The following RLIG1 variants were observed in gnomAD, a reference collection of about 807,000 sequenced individuals.
RLIG1 encodes RNA ligase 1.
the RLIG1 span, among the ~76,000 whole-genome samples, chr12:88,039,510 A>G: frequency 1.0e-3 from 158 of 152,270 alleles, 2 homozygotes; most frequent in Non-Finnish European, 1.7e-3. Flanking sequence ...TCCAGACTCA[A>G]TGTCTGCCTT....
chr12:88,042,841 G>A, the RLIG1 span: 3 of 1,512,714 alleles, frequency 2.0e-6, no homozygotes, highest in Non-Finnish European at 2.6e-6. Flanking sequence ...CATACCTTTG[G>A]GCTCGACTAG....
the RLIG1 span, chr12:88,035,960 A>T: frequency 6.6e-7 from 1 of 1,524,100 alleles, no homozygotes; most frequent in Non-Finnish European, 8.8e-7. Flanking sequence ...TTTGCGAAAG[A>T]ATTTTCCTTA....
chr12:88,036,837 CTTTT>C, the RLIG1 span, among the ~76,000 whole-genome samples: 1 of 147,590 alleles, frequency 6.8e-6, no homozygotes, highest in African/African-American at 2.5e-5. Context: ...CAGTAATTGG[CTTTT>C]TTTTTTAGCT....
chr12:88,049,276 C>G, the RLIG1 span: 28 of 1,609,840 alleles, frequency 1.7e-5, no homozygotes, highest in Non-Finnish European at 2.3e-5. Flanking sequence ...CCCAATTGTT[C>G]TGAAAGTTTT....
At chr12:88,045,810 T>A in the RLIG1 span, 2 of 1,534,426 alleles carry the variant, frequency 1.3e-6, no homozygotes, top group Non-Finnish European at 1.8e-6. Flanking sequence ...GTTCAGTTAT[T>A]GTAACTGACA....
At chr12:88,039,064 A>G in the RLIG1 span, among the ~76,000 whole-genome samples, 1 of 152,202 alleles carries the variant, frequency 6.6e-6, no homozygotes, top group African/African-American at 2.4e-5. Context: ...AGTATGCCAA[A>G]ACGTTCTTTG....
At chr12:88,044,825 C>T in the RLIG1 span, 1 of 152,196 alleles carries the variant, frequency 6.6e-6, no homozygotes, top group Non-Finnish European at 1.5e-5. Context: ...TTTTATGTAA[C>T]ACTTTATTGC....
the RLIG1 span, chr12:88,049,671 G>A: frequency 3.5e-6 from 1 of 285,626 alleles, no homozygotes; most frequent in East Asian, 8.4e-5. Context: ...TCTTATAATG[G>A]GACTTAATCT....
the RLIG1 span, chr12:88,042,923 T>G: frequency 6.5e-7 from 1 of 1,538,094 alleles, no homozygotes. Context: ...CCCAAAAGGT[T>G]AGTTTTTTTT....
the RLIG1 span, chr12:88,044,760 A>C: frequency 6.5e-6 from 1 of 152,830 alleles, no homozygotes; most frequent in Non-Finnish European, 1.5e-5. Flanking sequence ...GGAAGAGGGA[A>C]TATCAGCTTA....
At chr12:88,038,743 G>T in the RLIG1 span, among the ~76,000 whole-genome samples, 2 of 152,252 alleles carry the variant, frequency 1.3e-5, no homozygotes, top group African/African-American at 4.8e-5. Flanking sequence ...ATATAAAACT[G>T]AATCAAGGAT....
the RLIG1 span, among the ~76,000 whole-genome samples, chr12:88,047,662 T>C: frequency 1.3e-5 from 2 of 152,144 alleles, no homozygotes. Flanking sequence ...TTTAGCCCTG[T>C]CCTCTCCATT....
At chr12:88,048,236 C>A in the RLIG1 span, 1 of 1,546,606 alleles carries the variant, frequency 6.5e-7, no homozygotes, top group Non-Finnish European at 8.7e-7. Context: ...CTTTCCAGGT[C>A]CATCGCCATC....
chr12:88,038,982 A>T, the RLIG1 span, among the ~76,000 whole-genome samples: 1 of 152,178 alleles, frequency 6.6e-6, no homozygotes, highest in Admixed American at 6.5e-5. Context: ...TGGCTCTTAA[A>T]GAAACTTCTT....
At chr12:88,042,631 C>T in the RLIG1 span, 1 of 395,984 alleles carries the variant, frequency 2.5e-6, no homozygotes, top group Non-Finnish European at 4.6e-6. Context: ...TCATCCCCCT[C>T]ATTCTTTAAC....
At chr12:88,042,832 A>G in the RLIG1 span, 1 of 1,501,080 alleles carries the variant, frequency 6.7e-7, no homozygotes, top group Non-Finnish European at 8.9e-7. Context: ...TAGATCAGCC[A>G]TACCTTTGGG....
chr12:88,049,220 A>T, the RLIG1 span: 2 of 1,600,336 alleles, frequency 1.2e-6, no homozygotes, highest in East Asian at 2.2e-5. Flanking sequence ...TTTCTTCTTC[A>T]TCTTCAAACT....
At chr12:88,035,814 C>A in the RLIG1 span, 1 of 1,546,046 alleles carries the variant, frequency 6.5e-7, no homozygotes, top group South Asian at 1.2e-5. Context: ...GCGAACCCGG[C>A]GAGGGCGGCT....
chr12:88,035,586 C>G, the RLIG1 span: 5 of 1,522,598 alleles, frequency 3.3e-6, no homozygotes, highest in South Asian at 3.6e-5. Flanking sequence ...AGGGCTTCTC[C>G]GCGACTGGAC....
Sources: gnomAD v4.1 joint callset for allele counts (sites outside exome capture counted in the v4.1 genomes callset) on GRCh38, gnomAD v4.1.1 for gene constraint, MANE v1.5 for transcripts, NCBI Gene and HGNC (gene_info 2026-07-23, HGNC 2026-07-21) for gene names.